The following HTR2C variants were observed in gnomAD, a reference collection of about 807,000 sequenced individuals.
HTR2C encodes 5-hydroxytryptamine (serotonin) receptor 2C, G protein-coupled.
Under a neutral mutation model 21.0 loss-of-function variants are expected in HTR2C, and 5 were observed. That is an observed-to-expected ratio of 0.24 (90% CI 0.12 to 0.50). The LOEUF (loss-of-function observed/expected upper bound fraction) is 0.50. Among genes scored for constraint, HTR2C ranks in the 20% least tolerant of loss-of-function variants. The probability of loss-of-function intolerance (pLI) is 0.98; values close to 1 mark genes in which losing one functional copy is unlikely to be tolerated. For synonymous variants in HTR2C, 150 were observed against 145.3 expected (o/e 1.03, Z -0.23); for missense variants, 271 against 371.2 (o/e 0.73, Z 2.22).
chrX:114,727,101 A>C (rs1229574343), intron 3 of HTR2C, 130 bp downstream of exon 3: 9 of 395,337 alleles, frequency 2.3e-5, no homozygotes, highest in Non-Finnish European at 3.7e-5. Flanking sequence ...CTTGCTTCCC[A>C]AAAGACTAAT....
intron 4 of HTR2C, chrX:114,763,156 C>T (rs1178925072): frequency 7.9e-6 from 1 of 125,863 alleles, no homozygotes; most frequent in African/African-American, 3.2e-5. Flanking sequence ...CATCCATCAT[C>T]TGCCACTGGG....
At chrX:114,738,270 G>A (rs2069610621) in intron 4 of HTR2C, among the ~76,000 whole-genome samples, 1 of 111,175 alleles carries the variant, frequency 9.0e-6, no homozygotes, top group South Asian at 3.7e-4. Flanking sequence ...TTAACAGTAG[G>A]TCCTAAATGT....
intron 2 of HTR2C, among the ~76,000 whole-genome samples, chrX:114,726,518 C>A (rs946216379): frequency 8.9e-6 from 1 of 112,684 alleles, no homozygotes; most frequent in South Asian, 3.6e-4. Flanking sequence ...AGCTGTTCCT[C>A]TTCGGCCATC....
At chrX:114,728,220 T>C (rs2069501879) in intron 3 of HTR2C, among the ~76,000 whole-genome samples, 1 of 111,951 alleles carries the variant, frequency 8.9e-6, no homozygotes, top group South Asian at 3.7e-4. Flanking sequence ...TGTAAAGTTA[T>C]GTTTTCATTA....
chrX:114,707,701 A>G (rs1932813383), intron 2 of HTR2C, among the ~76,000 whole-genome samples: 1 of 110,431 alleles, frequency 9.1e-6, no homozygotes, highest in Admixed American at 9.8e-5. Context: ...TTTATTCCAT[A>G]TTGCAATTTA....
At chrX:114,713,807 A>C (rs1556419449) in intron 2 of HTR2C, among the ~76,000 whole-genome samples, 1 of 111,460 alleles carries the variant, frequency 9.0e-6, no homozygotes, top group Admixed American at 9.6e-5. Flanking sequence ...AAATGTGTGT[A>C]GTTGTAGCAC....
intron 5 of HTR2C, chrX:114,900,338 AG>A: frequency 4.4e-6 from 1 of 224,843 alleles, no homozygotes. Flanking sequence ...GGCAGGTATT[AG>A]GGATAATATT....
chrX:114,736,021 G>A (rs1011651078), intron 4 of HTR2C, among the ~76,000 whole-genome samples: 1 of 110,259 alleles, frequency 9.1e-6, no homozygotes, highest in East Asian at 2.8e-4. Context: ...GTTGAGGCAG[G>A]AGAACGGTGT....
At chrX:114,855,039 A>G (rs1164249779) in intron 5 of HTR2C, among the ~76,000 whole-genome samples, 4 of 112,014 alleles carry the variant, frequency 3.6e-5, no homozygotes, top group African/African-American at 1.3e-4. Context: ...ATCTGACTTA[A>G]TAGAAGATAG....
chrX:114,700,889 A>G (rs1484512674), intron 2 of HTR2C, among the ~76,000 whole-genome samples: 7 of 112,283 alleles, frequency 6.2e-5, no homozygotes, highest in Non-Finnish European at 1.3e-4. Flanking sequence ...CTTAAAAAAC[A>G]GCGCACCAGG....
intron 4 of HTR2C, among the ~76,000 whole-genome samples, chrX:114,758,174 T>C (rs1319385828): frequency 1.8e-5 from 2 of 111,883 alleles, no homozygotes; most frequent in African/African-American, 6.5e-5. Context: ...AAAGACAATA[T>C]GTCATTTCAG....
intron 4 of HTR2C, among the ~76,000 whole-genome samples, chrX:114,833,213 A>T (rs1415305902): frequency 2.9e-5 from 3 of 102,455 alleles, no homozygotes; most frequent in African/African-American, 1.0e-4. Context: ...TGCTGGCCTC[A>T]TAAAATGACT....
At position 114,838,725 on chromosome X, in the gene HTR2C, C is replaced by G; in HGVS notation, c.350-9278C>G. On this transcript the variant is annotated intron_variant, in intron 4 of 5. Transcript: ENST00000276198. ...ATTGGCCTCCCCTATGGAAAGTGTG[C>G]TATAGCCTCTTGGCTATTCAACTCC... Among the ~76,000 whole-genome samples the G allele has an allele frequency of 2.7e-5, 3 of 112,352 alleles. No individual in the cohort carries two copies. The Middle Eastern group carries it at 0.014, about 520-fold the overall frequency.
chrX:114,645,718 TGTG>T (rs1284957814), intron 2 of HTR2C, among the ~76,000 whole-genome samples: 1 of 111,446 alleles, frequency 9.0e-6, no homozygotes, highest in African/African-American at 3.3e-5. Flanking sequence ...TGCAAAAGAT[TGTG>T]GTGATTTATG....
intron 2 of HTR2C, among the ~76,000 whole-genome samples, chrX:114,725,124 T>G (rs1933400550): frequency 9.0e-6 from 1 of 111,269 alleles, no homozygotes; most frequent in Non-Finnish European, 1.9e-5. Context: ...CCAACTTGGT[T>G]CCATTCTCCC....
chrX:114,876,106 T>G lies in HTR2C; in HGVS notation c.550+27903T>G, dbSNP rs190842321. Among the ~76,000 whole-genome samples the G allele has an allele frequency of 1.4e-4, 16 of 110,761 alleles. No homozygotes were observed. In the East Asian group the frequency reaches 4.5e-3, roughly 31 times the overall value. On this transcript the variant is annotated intron_variant, in intron 5 of 5. Coordinates refer to ENST00000276198, the MANE Select transcript of HTR2C (RefSeq NM_000868.4). Reference sequence around the variant, plus strand: ...TTTGTCAATGTTTTATAGTTTTCAGTGTACAGTTATTTCACTTCCTCGGTT... The same window carrying G: ...TTTGTCAATGTTTTATAGTTTTCAGGGTACAGTTATTTCACTTCCTCGGTT...
At chrX:114,646,210 G>T (rs1421879423) in intron 2 of HTR2C, among the ~76,000 whole-genome samples, 2 of 111,484 alleles carry the variant, frequency 1.8e-5, no homozygotes, top group Non-Finnish European at 3.8e-5. Flanking sequence ...ATTATTTAAA[G>T]CATATTTAGA....
At chrX:114,678,270 GACACACACACACAC>G (rs200416814) in intron 2 of HTR2C, among the ~76,000 whole-genome samples, 2 of 100,202 alleles carry the variant, frequency 2.0e-5, no homozygotes, top group East Asian at 3.2e-4. Flanking sequence ...CTCTCTGTCT[GACACACACACACAC>G]ACACACACAC....
chrX:114,794,317 A>G (rs1556444505), intron 4 of HTR2C, among the ~76,000 whole-genome samples: 1 of 110,955 alleles, frequency 9.0e-6, no homozygotes, highest in African/African-American at 3.3e-5. Flanking sequence ...ACAATCTGGT[A>G]ATATTCTAAG....
Sources: allele counts gnomAD v4.1 joint callset (sites outside exome capture counted in the v4.1 genomes callset), GRCh38; gene constraint gnomAD v4.1.1; transcripts MANE v1.5; gene names NCBI Gene and HGNC (gene_info 2026-07-23, HGNC 2026-07-21).